The following SUSD6 variants were observed in gnomAD, a reference collection of about 807,000 sequenced individuals.
SUSD6 encodes the protein sushi domain-containing protein 6.
In SUSD6, 16 loss-of-function variants were observed where a neutral mutation model predicts 28.4. The observed-to-expected ratio is 0.56, with a 90% CI of 0.38 to 0.86. SUSD6 has a LOEUF of 0.86. Ranked by LOEUF, SUSD6 falls within the 40% of genes least tolerant of loss-of-function variation. The probability of loss-of-function intolerance (pLI) is 0.00; values close to 1 mark genes in which losing one functional copy is unlikely to be tolerated. For synonymous variants in SUSD6, 147 were observed against 159.6 expected (o/e 0.92, Z 0.59); for missense variants, 341 against 384.2 (o/e 0.89, Z 0.94).
At chr14:69,690,900 T>TC (rs530198815) in intron 2 of SUSD6, among the ~76,000 whole-genome samples, 97 of 152,188 alleles carry the variant, frequency 6.4e-4, no homozygotes, top group African/African-American at 2.2e-3. Context: ...TCCAGCCTTC[T>TC]CCCCCCGCAC....
intron 2 of SUSD6, among the ~76,000 whole-genome samples, chr14:69,695,254 T>A (rs1886208848): frequency 6.6e-6 from 1 of 152,294 alleles, no homozygotes; most frequent in African/African-American, 2.4e-5. Flanking sequence ...CAGCCCCAGG[T>A]ATCTCTTAAG....
At chr14:69,681,183 AATT>A (rs1885992683) in intron 2 of SUSD6, among the ~76,000 whole-genome samples, 1 of 152,216 alleles carries the variant, frequency 6.6e-6, no homozygotes, top group Non-Finnish European at 1.5e-5. Context: ...CGCTACCACC[AATT>A]ATTGTGCATT....
At chr14:69,687,097 C>T (rs1483760376) in intron 2 of SUSD6, among the ~76,000 whole-genome samples, 1 of 152,182 alleles carries the variant, frequency 6.6e-6, no homozygotes, top group Non-Finnish European at 1.5e-5. Flanking sequence ...GCCTCAGCCT[C>T]CCGAGTAGCT....
intron 2 of SUSD6, among the ~76,000 whole-genome samples, chr14:69,675,192 TG>T (rs1885889501): frequency 6.6e-6 from 1 of 152,196 alleles, no homozygotes; most frequent in Non-Finnish European, 1.5e-5. Flanking sequence ...CACACCTACC[TG>T]GGGGCCTCAG....
At chr14:69,629,320 T>C (rs987200339) in intron 1 of SUSD6, among the ~76,000 whole-genome samples, 9 of 152,246 alleles carry the variant, frequency 5.9e-5, no homozygotes, top group African/African-American at 1.9e-4. Flanking sequence ...AGATAACCTC[T>C]GTATTTAGGT....
chr14:69,685,330 T>G (rs761254991), intron 2 of SUSD6, among the ~76,000 whole-genome samples: 5 of 152,234 alleles, frequency 3.3e-5, no homozygotes, highest in Non-Finnish European at 7.3e-5. Context: ...GAAGGAACCA[T>G]TGTGCTACTA....
Position 69,709,087 on chromosome 14 carries a change from C to T in SUSD6, c.869C>T (p.Ser290Leu), listed in dbSNP as rs1229174978. ...SDIQSLLSLT[S>L]EEYTDDIPLL... is the part of the protein sequence containing the mutation. ...ATACAAAGCCTTTTATCCCTCACGT[C>T]AGAGGAGTACACAGATGGTGAGTGG... Residue 290 changes from serine to leucine, a missense_variant, in exon 5 of 6, where the codon TCA (serine) becomes TTA (leucine). Coordinates refer to ENST00000342745, the MANE Select transcript of SUSD6 (RefSeq NM_014734.4). 6.3e-7 allele frequency: 1 copy of T among 1,599,048 alleles called. No homozygotes were observed. The highest frequency in any genetic ancestry group is 8.5e-7 in the Non-Finnish European group (1 of 1,172,468).
chr14:69,704,793 G>C (rs530895889), intron 4 of SUSD6, 51 bp downstream of exon 4: 34 of 1,588,016 alleles, frequency 2.1e-5, no homozygotes, highest in Admixed American at 5.2e-5. Flanking sequence ...AAGCATTACT[G>C]TGGGGGCCAG....
intron 2 of SUSD6, among the ~76,000 whole-genome samples, chr14:69,684,872 T>A (rs1177957560): frequency 6.6e-6 from 1 of 152,258 alleles, no homozygotes; most frequent in African/African-American, 2.4e-5. Flanking sequence ...GTTACTCTCC[T>A]TAAAGACCAG....
chr14:69,654,790 G>GTGTGTGTGTGTGTGTGTGT (rs1491558166), intron 1 of SUSD6, among the ~76,000 whole-genome samples: 5 of 98,986 alleles, frequency 5.1e-5, no homozygotes, highest in African/African-American at 2.0e-4. Context: ...TTTTTTTTTT[G>GTGTGTGTGTGTGTGTGTGT]GTGTGTGTGT....
At chr14:69,699,418 G>C (rs1050292104) in intron 2 of SUSD6, among the ~76,000 whole-genome samples, 7 of 152,024 alleles carry the variant, frequency 4.6e-5, no homozygotes, top group Non-Finnish European at 7.4e-5. Context: ...TGACCACGCT[G>C]GTCTCGAACT....
At chr14:69,670,150 A>G (rs1162081827) in intron 2 of SUSD6, among the ~76,000 whole-genome samples, 1 of 152,210 alleles carries the variant, frequency 6.6e-6, no homozygotes, top group Non-Finnish European at 1.5e-5. Context: ...GGCAGGAGCT[A>G]TGTAATGCCA....
At chr14:69,671,673 C>T (rs561722064) in intron 2 of SUSD6, among the ~76,000 whole-genome samples, 2 of 152,236 alleles carry the variant, frequency 1.3e-5, no homozygotes, top group Admixed American at 6.5e-5. Flanking sequence ...AGGATTTGTC[C>T]TCTTGGATCA....
At chr14:69,683,437 CAT>C (rs1414925051) in intron 2 of SUSD6, among the ~76,000 whole-genome samples, 2 of 152,136 alleles carry the variant, frequency 1.3e-5, no homozygotes, top group African/African-American at 4.8e-5. Flanking sequence ...ATTGTGGAGA[CAT>C]AGATGCTTTT....
chr14:69,659,377 A>G (rs1885630162), intron 2 of SUSD6, among the ~76,000 whole-genome samples: 1 of 152,214 alleles, frequency 6.6e-6, no homozygotes, highest in Admixed American at 6.5e-5. Flanking sequence ...GAATGGGTTT[A>G]CCTGGAATAA....
chr14:69,678,321 A>G (rs1379502230), intron 2 of SUSD6, among the ~76,000 whole-genome samples: 1 of 149,100 alleles, frequency 6.7e-6, no homozygotes, highest in Admixed American at 6.7e-5. Context: ...ATTGTAACAT[A>G]ATTTATAATT....
In SUSD6 at chr14:69,658,707, G is replaced by A. The variant is rs139836864; in HGVS notation, c.115G>A (p.Ala39Thr). ...TTGCACCCTGCTTGGAGACGGACTT[G>A]CTTCCGGTAAGTCCTGACCTGCCTT... The part of the protein sequence containing the change: ...ILCTLLGDGL[A>T]SVCPLPPEPE... Residue 39 changes from alanine to threonine, a missense_variant, in exon 2 of 6, where the codon GCT (alanine) becomes ACT (threonine). By Grantham distance (58) the Ala-to-Thr change is moderately conservative (BLOSUM62 0). Coordinates refer to ENST00000342745, the MANE Select transcript of SUSD6 (RefSeq NM_014734.4). The A allele has an allele frequency of 1.1e-5, 18 of 1,613,968 alleles. No homozygotes were observed. The African/African-American group carries it at 2.1e-4, about 19-fold the overall frequency.
intron 2 of SUSD6, among the ~76,000 whole-genome samples, chr14:69,695,759 T>TA (rs1886215985): frequency 6.6e-6 from 1 of 152,242 alleles, no homozygotes; most frequent in Non-Finnish European, 1.5e-5. Flanking sequence ...AATGCATTGT[T>TA]ATGTTTCTAG....
intron 2 of SUSD6, among the ~76,000 whole-genome samples, chr14:69,700,946 G>A (rs1886304753): frequency 6.6e-6 from 1 of 152,028 alleles, no homozygotes; most frequent in South Asian, 2.1e-4. Context: ...AATCCCTAAA[G>A]CATTACAAGA....
Sources: gnomAD v4.1 joint callset for allele counts (sites outside exome capture counted in the v4.1 genomes callset) on GRCh38, gnomAD v4.1.1 for gene constraint, MANE v1.5 for transcripts, NCBI Gene and HGNC (gene_info 2026-07-23, HGNC 2026-07-21) for gene names.